C3orf20: variants seen among roughly 807,000 people sequenced by gnomAD.
The protein encoded by C3orf20 is uncharacterized protein C3orf20.
C3orf20 carries 76 observed loss-of-function variants against 88.3 expected under a neutral mutation model. The ratio of observed to expected loss-of-function variants is 0.86; its 90% CI spans 0.72 to 1.04. The LOEUF (loss-of-function observed/expected upper bound fraction) is 1.04, where lower values mean the gene tolerates loss of function less well. Ranked by LOEUF, C3orf20 falls within the 50% of genes least tolerant of loss-of-function variation. The pLI is 0.00. For synonymous variants in C3orf20, 436 were observed against 437.4 expected (o/e 1.00, Z 0.04); for missense variants, 1,056 against 1,123.3 (o/e 0.94, Z 0.86).
chr3:14,762,930 A>G (rs75205729), intron 15 of C3orf20, among the ~76,000 whole-genome samples: 6,847 of 152,328 alleles, frequency 0.045, 220 homozygotes, highest in East Asian at 0.16. Flanking sequence ...CAGAGCACTC[A>G]GCGGGGAAGG....
intron 12 of C3orf20, among the ~76,000 whole-genome samples, chr3:14,738,808 TTTTTTTG>T (rs2034810820): frequency 7.8e-6 from 1 of 128,618 alleles, no homozygotes; most frequent in Admixed American, 7.5e-5. Context: ...GCCTGGCTAA[TTTTTTTG>T]TTTTTTTTTT....
intron 12 of C3orf20, among the ~76,000 whole-genome samples, chr3:14,737,386 ACAATAAAGCAAATTG>A (rs1308114636): frequency 3.9e-5 from 6 of 152,304 alleles, no homozygotes; most frequent in Middle Eastern, 3.4e-3. Context: ...CCAGACCACT[ACAATAAAGCAAATTG>A]CAATAAAGCA....
chr3:14,743,746 C>T (rs2125012887), intron 12 of C3orf20, among the ~76,000 whole-genome samples: 1 of 152,186 alleles, frequency 6.6e-6, no homozygotes. Context: ...CACCCACACA[C>T]TCAACTCCTT....
intron 13 of C3orf20, among the ~76,000 whole-genome samples, 173 bp downstream of exon 13, chr3:14,757,847 C>G (rs1350860159): frequency 6.6e-6 from 1 of 152,220 alleles, no homozygotes; most frequent in East Asian, 1.9e-4. Flanking sequence ...GCAGTGTCCT[C>G]CCTCCCCCTG....
At chr3:14,741,927 G>A (rs2034910865) in intron 12 of C3orf20, among the ~76,000 whole-genome samples, 2 of 152,170 alleles carry the variant, frequency 1.3e-5, no homozygotes, top group South Asian at 2.1e-4. Flanking sequence ...ATAGAAAGGG[G>A]CAGTAACTCC....
intron 12 of C3orf20, among the ~76,000 whole-genome samples, chr3:14,753,719 G>A (rs1448163921): frequency 6.6e-6 from 1 of 152,044 alleles, no homozygotes; most frequent in Non-Finnish European, 1.5e-5. Context: ...AAGATTTGTT[G>A]TTGCTGCTTG....
intron 9 of C3orf20, among the ~76,000 whole-genome samples, chr3:14,720,266 G>A (rs79655463): frequency 2.6e-5 from 4 of 152,120 alleles, no homozygotes; most frequent in Non-Finnish European, 4.4e-5. Flanking sequence ...TCCTGACCTC[G>A]TGATCCGCCC....
Position 14,686,303 on chromosome 3 carries a change from G to A in C3orf20, c.625+1921G>A, listed in dbSNP as rs78022505. Among the ~76,000 whole-genome samples the A allele has an allele frequency of 5.8e-3, 885 of 152,240 alleles. 2 individuals carry two copies. Among genetic ancestry groups the A allele is most frequent in the African/African-American group, 0.02 (827 of 41,524 alleles). ...ATAATACTGCAATGAGCATAGGAGC[G>A]TAGATATCTCTTTGAAATACTGATT... On this transcript the variant is annotated intron_variant, in intron 4 of 16. Coordinates refer to ENST00000253697, the MANE Select transcript of C3orf20 (RefSeq NM_032137.5).
At chr3:14,765,822 A>G (rs1476547140) in intron 15 of C3orf20, among the ~76,000 whole-genome samples, 1 of 152,234 alleles carries the variant, frequency 6.6e-6, no homozygotes, top group Non-Finnish European at 1.5e-5. Context: ...TGAAGCCGCC[A>G]TGGAGAGGCA....
At chr3:14,685,485 C>T (rs199885661) in intron 4 of C3orf20, among the ~76,000 whole-genome samples, 2,423 of 141,356 alleles carry the variant, frequency 0.017, 26 homozygotes, top group Middle Eastern at 0.083. Flanking sequence ...TCTCTCTGTG[C>T]GTGCGTGCGT....
At position 14,761,732 on chromosome 3, in the gene C3orf20, T is replaced by TGGGGTGGGGGG; in HGVS notation, c.2495+121_2495+122insTGGGGGGGGGG. Reference sequence around the variant, plus strand: ...AGCAGGCGGGGCTGAAGGGATGGAGTGGGGAGGGGGGCTGGAGGTGGGAAG... The same window carrying TGGGGTGGGGGG: ...AGCAGGCGGGGCTGAAGGGATGGAGTGGGGTGGGGGGGGGGAGGGGGGCTGGAGGTGGGAAG... On this transcript the variant is annotated intron_variant, in intron 15 of 16. Transcript: ENST00000253697. The TGGGGTGGGGGG allele has an allele frequency of 2.1e-5, 6 of 291,362 alleles. No homozygotes were observed. The East Asian group carries it at 2.5e-4, about 12-fold the overall frequency. 18.0% of individuals were successfully genotyped at this position (291,362 alleles called of 1,614,324 possible).
In C3orf20 at chr3:14,771,495, T is replaced by C. The variant is rs183620755; in HGVS notation, c.2496-572T>C. 4.2e-3 allele frequency among the ~76,000 whole-genome samples: 636 copies of C among 152,384 alleles called. 9 individuals are homozygous for C. Among genetic ancestry groups the C allele is most frequent in the African/African-American group, 0.014 (584 of 41,596 alleles). Reference sequence around the variant, plus strand: ...AGTCCCAGGCCTTGCTCCCTGTTCCTGGTAGCTCCTTGGCCTATGGCCACA... The same window carrying C: ...AGTCCCAGGCCTTGCTCCCTGTTCCCGGTAGCTCCTTGGCCTATGGCCACA... On this transcript the variant is annotated intron_variant, in intron 15 of 16. Transcript: ENST00000253697.
At position 14,682,640 on chromosome 3, in the gene C3orf20, C is replaced by T. The variant is rs2032154757; in HGVS notation, c.-74C>T. On this transcript the variant is annotated 5_prime_UTR_variant, in exon 3 of 17. Coordinates refer to ENST00000253697, the MANE Select transcript of C3orf20 (RefSeq NM_032137.5). Reference sequence around the variant, plus strand: ...CACATCCATTCTGTCCATCTCCAAGCCTTCACCGTAGGGAAGAACTTTTGC... The same window carrying T: ...CACATCCATTCTGTCCATCTCCAAGTCTTCACCGTAGGGAAGAACTTTTGC... 7 of 1,524,246 alleles carry T rather than the reference C, an allele frequency of 4.6e-6. No individual in the cohort carries two copies. In the East Asian group the frequency reaches 1.4e-4, roughly 29 times the overall value. 94.4% of individuals were successfully genotyped at this position (1,524,246 alleles called of 1,614,324 possible).
chr3:14,753,140 A>G (rs574379569), intron 12 of C3orf20, among the ~76,000 whole-genome samples: 4 of 152,356 alleles, frequency 2.6e-5, no homozygotes, highest in South Asian at 2.1e-4. Flanking sequence ...CATATACACC[A>G]TGGAATACTA....
chr3:14,695,805 C>T (rs1283283031), intron 5 of C3orf20, among the ~76,000 whole-genome samples: 2 of 152,068 alleles, frequency 1.3e-5, no homozygotes, highest in Non-Finnish European at 2.9e-5. Flanking sequence ...TATAGCTACT[C>T]CTGCTCTTTT....
At chr3:14,681,593 C>A (rs2032094187) in intron 1 of C3orf20, among the ~76,000 whole-genome samples, 1 of 152,198 alleles carries the variant, frequency 6.6e-6, no homozygotes, top group South Asian at 2.1e-4. Context: ...TTGCTACGTG[C>A]TGTGGATTCT....
At chr3:14,734,143 A>G (rs752035067) in intron 12 of C3orf20, among the ~76,000 whole-genome samples, 22 of 152,136 alleles carry the variant, frequency 1.4e-4, no homozygotes, top group Non-Finnish European at 3.1e-4. Context: ...TAGTGTTTCC[A>G]AAGAACCAAA....
chr3:14,732,516 TGA>T (rs2034569529), intron 12 of C3orf20, among the ~76,000 whole-genome samples: 1 of 152,248 alleles, frequency 6.6e-6, no homozygotes, highest in African/African-American at 2.4e-5. Context: ...TTCTGGATTG[TGA>T]TTTGTTGTCA....
chr3:14,747,309 G>C (rs946569373), intron 12 of C3orf20, among the ~76,000 whole-genome samples: 1 of 152,212 alleles, frequency 6.6e-6, no homozygotes, highest in Non-Finnish European at 1.5e-5. Flanking sequence ...ACAGCATGAA[G>C]TTGGCAATAT....
Sources: gnomAD v4.1 joint callset for allele counts (sites outside exome capture counted in the v4.1 genomes callset) on GRCh38, gnomAD v4.1.1 for gene constraint, MANE v1.5 for transcripts, NCBI Gene and HGNC (gene_info 2026-07-23, HGNC 2026-07-21) for gene names.